The following LUC7L variants were observed in gnomAD, a reference collection of about 807,000 sequenced individuals.
LUC7L encodes LUC7 like, also known as putative RNA-binding protein Luc7-like 1.
In LUC7L, 29 loss-of-function variants were observed where a neutral mutation model predicts 51.1. The observed-to-expected ratio is 0.57, with a 90% CI of 0.42 to 0.77. LUC7L has a LOEUF of 0.77. Ranked by LOEUF, LUC7L falls within the 30% of genes least tolerant of loss-of-function variation. The probability of loss-of-function intolerance (pLI) is 0.00; values close to 1 mark genes in which losing one functional copy is unlikely to be tolerated. For missense variants in LUC7L, 403 were observed against 511.9 expected (o/e 0.79, Z 2.05); for synonymous variants, 181 against 180.7 (o/e 1.00, Z -0.01).
rs371619414 is a variant in LUC7L at position 189,299 on chromosome 16, T to C, written c.1015A>G (p.Ser339Gly). The C allele has an allele frequency of 4.3e-6, 7 of 1,613,016 alleles. No individual in the cohort carries two copies. The African/African-American group carries it at 8.0e-5, about 18-fold the overall frequency. ...ERASREESWE[S>G]GRSERGPPDW... ...GGGGGCCCTCGCTCGCTCCGCCCGC[T>C]CTCCCAGGACTCCTCTCTGGATGCC... The change falls in exon 10 of 10, where the codon AGC (serine) becomes GGC (glycine). Residue 339 changes from serine (S) to glycine (G), a missense_variant. Physicochemically the swap from Ser to Gly is moderately conservative, Grantham distance 56. Coordinates refer to ENST00000293872, the MANE Select transcript of LUC7L (RefSeq NM_201412.3).
In LUC7L at chr16:222,933, T is replaced by G. The variant is rs565796524; in HGVS notation, c.157-2186A>C. On this transcript the variant is annotated intron_variant, in intron 2 of 9. Coordinates refer to ENST00000293872, the MANE Select transcript of LUC7L (RefSeq NM_201412.3). ...GCGTGAGCCACCTCGCCCAGCTTTT[T>G]AAAGAGACCCCGTCTTTTAAAAAAA... 1.6e-3 allele frequency among the ~76,000 whole-genome samples: 236 copies of G among 145,350 alleles called. 1 individual carries two copies. Among genetic ancestry groups the G allele is most frequent in the African/African-American group, 5.8e-3 (228 of 39,404 alleles).
At chr16:227,210 G>C (rs745979316) in intron 2 of LUC7L, 32 bp downstream of exon 2, 2 of 1,547,576 alleles carry the variant, frequency 1.3e-6, no homozygotes, top group Non-Finnish European at 1.8e-6. Context: ...TCATGTCAGA[G>C]TGTTCCATGA....
At chr16:207,002 A>G (rs771975796) in intron 4 of LUC7L, among the ~76,000 whole-genome samples, 3 of 151,568 alleles carry the variant, frequency 2.0e-5, no homozygotes, top group Non-Finnish European at 4.4e-5. Context: ...GATCGAGACC[A>G]TCCTGGCTAA....
At chr16:190,862 A>G (rs1282516647) in intron 7 of LUC7L, 3 of 351,830 alleles carry the variant, frequency 8.5e-6, no homozygotes, top group Non-Finnish European at 1.5e-5. Flanking sequence ...CCTGGGCAAC[A>G]AGAATAAAAC....
At position 189,321 on chromosome 16, in the gene LUC7L, T is replaced by C. The variant is rs2048946834; in HGVS notation, c.993A>G (p.Ala331=). Residue 331 remains alanine (A), a synonymous_variant, in exon 10 of 10, where the codon GCA becomes GCG. Transcript: ENST00000293872. ...CGCTCTCCCAGGACTCCTCTCTGGATGCCCGCTCTCTGGAGAACCTGGGAA... is the reference window on the plus strand; with the variant it reads ...CGCTCTCCCAGGACTCCTCTCTGGACGCCCGCTCTCTGGAGAACCTGGGAA... ...SAKYKFSRER[A]SREESWESGR... is the part of the protein sequence containing the mutation. 6.2e-7 allele frequency: 1 copy of C among 1,611,534 alleles called. No individual in the cohort carries two copies. Among genetic ancestry groups the C allele is most frequent in the Non-Finnish European group, 8.5e-7 (1 of 1,179,300 alleles).
At chr16:228,423 G>A in intron 1 of LUC7L, 1 of 1,283,348 alleles carries the variant, frequency 7.8e-7, no homozygotes, top group Non-Finnish European at 1.0e-6. Flanking sequence ...AAAATAGAGG[G>A]GCCACAATTG....
intron 1 of LUC7L, chr16:229,071 A>G (rs2050203689): frequency 7.1e-7 from 1 of 1,417,170 alleles, no homozygotes; most frequent in Non-Finnish European, 9.2e-7. Context: ...GCAGACTCCG[A>G]GAGAGGAGCC....
chr16:206,180 C>G (rs747692744), intron 4 of LUC7L, 33 bp from the exon 5 acceptor site: 1 of 1,597,890 alleles, frequency 6.3e-7, no homozygotes, highest in Non-Finnish European at 8.5e-7. Context: ...AAGCAGACAT[C>G]TGAAAATGAA....
intron 3 of LUC7L, among the ~76,000 whole-genome samples, chr16:218,678 G>A (rs139689992): frequency 3.9e-4 from 59 of 151,980 alleles, no homozygotes; most frequent in Admixed American, 3.2e-3. Context: ...CCAAGATTGC[G>A]CCACTGCATT....
intron 3 of LUC7L, chr16:209,693 G>A (rs1201124121): frequency 6.6e-6 from 1 of 152,148 alleles, no homozygotes; most frequent in African/African-American, 2.4e-5. Context: ...TGAGAAGGCA[G>A]ATGACAGGAA....
chr16:216,324 G>C (rs972374801), intron 3 of LUC7L, among the ~76,000 whole-genome samples: 1 of 151,412 alleles, frequency 6.6e-6, no homozygotes, highest in African/African-American at 2.4e-5. Flanking sequence ...AATTCTTTGA[G>C]TGAGGAGGAC....
intron 3 of LUC7L, chr16:209,346 T>G (rs1211378): frequency 0.53 from 79,986 of 151,574 alleles, 21,297 homozygotes; most frequent in East Asian, 0.68. Flanking sequence ...AAAAATTAGC[T>G]GGGCGTGGTA....
At chr16:216,859 T>C (rs1488346980) in intron 3 of LUC7L, among the ~76,000 whole-genome samples, 1 of 152,006 alleles carries the variant, frequency 6.6e-6, no homozygotes, top group African/African-American at 2.4e-5. Context: ...CACGCCTGGC[T>C]AACTCTGGCA....
chr16:189,809 C>T (rs575305176), intron 9 of LUC7L, 159 bp downstream of exon 9: 142 of 1,434,894 alleles, frequency 9.9e-5, no homozygotes, highest in Admixed American at 2.3e-4. Flanking sequence ...ACAGCCCTCT[C>T]GCCTCTTCCC....
intron 3 of LUC7L, among the ~76,000 whole-genome samples, chr16:214,730 T>C (rs138453133): frequency 6.6e-6 from 1 of 152,256 alleles, no homozygotes; most frequent in African/African-American, 2.4e-5. Flanking sequence ...GGGTTTGTCA[T>C]CTTGCCCAGG....
At chr16:192,790 G>A (rs1596593873) in intron 7 of LUC7L, 137 bp downstream of exon 7, 7 of 761,070 alleles carry the variant, frequency 9.2e-6, no homozygotes, top group East Asian at 2.5e-5. Flanking sequence ...GGCGTGAGCC[G>A]CCAGGCCTGG....
At chr16:227,642 C>T in intron 1 of LUC7L, 3 of 1,141,764 alleles carry the variant, frequency 2.6e-6, no homozygotes, top group Non-Finnish European at 3.3e-6. Context: ...ATACATGTGG[C>T]AATGAGACTG....
chr16:225,811 A>T (rs1465038354), intron 2 of LUC7L, among the ~76,000 whole-genome samples: 7 of 145,116 alleles, frequency 4.8e-5, no homozygotes, highest in Non-Finnish European at 7.6e-5. Flanking sequence ...AAAAAAAAAG[A>T]AAAGAAAAGA....
intron 6 of LUC7L, among the ~76,000 whole-genome samples, chr16:197,186 G>A (rs953125635): frequency 5.4e-5 from 8 of 147,732 alleles, no homozygotes; most frequent in African/African-American, 2.0e-4. Context: ...GATTACAGGA[G>A]GCTGAGCCTC....
Sources: gnomAD v4.1 joint callset for allele counts (sites outside exome capture counted in the v4.1 genomes callset) on GRCh38, gnomAD v4.1.1 for gene constraint, MANE v1.5 for transcripts, NCBI Gene and HGNC (gene_info 2026-07-23, HGNC 2026-07-21) for gene names.